XKR6: variants seen among roughly 807,000 people sequenced by gnomAD.
The protein encoded by XKR6 is XK-related protein 6.
A neutral mutation model predicts 56.7 loss-of-function variants in XKR6; 22 were observed. The observed-to-expected ratio is 0.39, with a 90% CI of 0.28 to 0.55. The LOEUF (loss-of-function observed/expected upper bound fraction) is 0.55. XKR6 is among the 20% of genes least tolerant of loss of function. The pLI is 0.66. For synonymous variants in XKR6, 524 were observed against 387.8 expected (o/e 1.35, Z -4.13); for missense variants, 852 against 889.0 (o/e 0.96, Z 0.53).
intron 1 of XKR6, among the ~76,000 whole-genome samples, chr8:11,190,187 GAAAGAAAGAAAGAAAGA>G (rs141803326): frequency 0.1 from 7,137 of 68,306 alleles, 618 homozygotes; most frequent in African/African-American, 0.33. Context: ...AGAAAGAAAA[GAAAGAAAGAAAGAAAGA>G]AAAGAAAGAA....
intron 1 of XKR6, among the ~76,000 whole-genome samples, chr8:10,995,190 A>C (rs1415516799): frequency 6.6e-6 from 1 of 151,992 alleles, no homozygotes; most frequent in African/African-American, 2.4e-5. Context: ...AAGAGGCAGG[A>C]GATAGGAAAA....
intron 2 of XKR6, among the ~76,000 whole-genome samples, chr8:10,911,737 T>C (rs1011318475): frequency 1.2e-4 from 18 of 146,024 alleles, no homozygotes; most frequent in African/African-American, 4.6e-4. Flanking sequence ...TGTGTGTATA[T>C]AGAGAGGGCA....
intron 1 of XKR6, among the ~76,000 whole-genome samples, chr8:11,147,351 C>T (rs990486242): frequency 3.9e-5 from 6 of 152,094 alleles, no homozygotes; most frequent in African/African-American, 7.2e-5. Context: ...GAAATCTCAA[C>T]GGACACTTCA....
chr8:10,984,732 C>CTCTCTATATATA lies in XKR6; in HGVS notation c.765-59903_765-59902insTATATATAGAGA. On this transcript the variant is annotated intron_variant, in intron 1 of 2. Coordinates refer to ENST00000416569, the MANE Select transcript of XKR6 (RefSeq NM_173683.4). ...TCTCTCTCTCTCTCTCTCTCTCTCT[C>CTCTCTATATATA]TATATATATATATATATATATATAT... 5.1e-3 allele frequency among the ~76,000 whole-genome samples: 243 copies of CTCTCTATATATA among 47,472 alleles called. 3 individuals carry two copies. The highest frequency in any genetic ancestry group is 0.031 in the Middle Eastern group (2 of 64). The allele number at this position is 47,472 out of a possible 152,430, so 31.1% of individuals were successfully genotyped here. A position where few individuals can be genotyped will look rare whatever the true frequency, so the allele number is the denominator to read the frequency against.
intron 1 of XKR6, chr8:11,066,721 T>C (rs1260268499): frequency 2.6e-5 from 4 of 152,150 alleles, no homozygotes; most frequent in East Asian, 1.9e-4. Flanking sequence ...ATTACAATCA[T>C]TGTGGCCATT....
intron 1 of XKR6, among the ~76,000 whole-genome samples, chr8:11,074,599 A>T (rs1231398136): frequency 6.6e-6 from 1 of 152,250 alleles, no homozygotes; most frequent in Non-Finnish European, 1.5e-5. Flanking sequence ...TTCCATCAAC[A>T]AACATTCTCT....
In XKR6 at chr8:11,100,792, A is replaced by G. The variant is rs115247074; in HGVS notation, c.764+99784T>C. Among the ~76,000 whole-genome samples, 1,234 of 152,314 alleles carry G rather than the reference A, an allele frequency of 8.1e-3. 22 individuals are homozygous for G. Among genetic ancestry groups the G allele is most frequent in the African/African-American group, 0.028 (1,174 of 41,558 alleles). On this transcript the variant is annotated intron_variant, in intron 1 of 2. Transcript: ENST00000416569. ...GAGGAAGGTAGGAAGTTCTGTTTTT[A>G]GTTTGGCTATGATTTGTCCCAATCA...
chr8:11,055,643 G>T (rs545664976), intron 1 of XKR6, among the ~76,000 whole-genome samples: 65 of 152,342 alleles, frequency 4.3e-4, no homozygotes, highest in Non-Finnish European at 1.8e-4. Flanking sequence ...CAAATAACAG[G>T]TTTGGAGCTG....
intron 1 of XKR6, among the ~76,000 whole-genome samples, chr8:11,056,390 C>T (rs1368241794): frequency 2.6e-5 from 4 of 152,320 alleles, no homozygotes; most frequent in South Asian, 4.1e-4. Flanking sequence ...TCCAGAACGC[C>T]GGCAGCGCAC....
At position 11,178,547 on chromosome 8, in the gene XKR6, AATATATATAT is replaced by A. The variant is rs373879147; in HGVS notation, c.764+22019_764+22028del. Among the ~76,000 whole-genome samples, 5 of 88,508 alleles carry A rather than the reference AATATATATAT, an allele frequency of 5.6e-5. No homozygotes were observed. In the East Asian group the frequency reaches 6.6e-4, roughly 12 times the overall value. 58.1% of individuals were successfully genotyped at this position (88,508 alleles called of 152,430 possible). A position where few individuals can be genotyped will look rare whatever the true frequency, so the allele number is the denominator to read the frequency against. The stretch of plus-strand genomic sequence containing the variant: ...TAAGTCCAAACATCTGAGAGGTAAA[AATATATATAT>A]ATATATATATATATATGTATATATA... On this transcript the variant is annotated intron_variant, in intron 1 of 2. Transcript: ENST00000416569.
chr8:10,993,996 A>G (rs1798053839), intron 1 of XKR6, among the ~76,000 whole-genome samples: 1 of 152,108 alleles, frequency 6.6e-6, no homozygotes, highest in Non-Finnish European at 1.5e-5. Flanking sequence ...TGAGGCCTAT[A>G]TCCTGTTTGG....
At chr8:11,086,375 G>T (rs925417961) in intron 1 of XKR6, among the ~76,000 whole-genome samples, 1 of 152,036 alleles carries the variant, frequency 6.6e-6, no homozygotes, top group Admixed American at 6.5e-5. Context: ...GGATGTGCCC[G>T]GCACACAGTG....
chr8:11,140,842 G>C (rs921285586), intron 1 of XKR6, among the ~76,000 whole-genome samples: 5 of 147,492 alleles, frequency 3.4e-5, no homozygotes, highest in Non-Finnish European at 7.4e-5. Context: ...AGCTTGTAGT[G>C]AGCCGAGATC....
At chr8:10,949,203 T>G (rs1801642842) in intron 1 of XKR6, among the ~76,000 whole-genome samples, 1 of 152,200 alleles carries the variant, frequency 6.6e-6, no homozygotes, top group Non-Finnish European at 1.5e-5. Flanking sequence ...TACTCCCGCT[T>G]CCAGCCTCTC....
chr8:10,958,796 C>T, intron 1 of XKR6, among the ~76,000 whole-genome samples: 1 of 152,172 alleles, frequency 6.6e-6, no homozygotes, highest in East Asian at 1.9e-4. Flanking sequence ...TGAGAAAGTA[C>T]AACTTAGCTT....
chr8:11,048,160 A>G (rs565608108), intron 1 of XKR6, among the ~76,000 whole-genome samples: 2 of 152,184 alleles, frequency 1.3e-5, no homozygotes, highest in East Asian at 3.9e-4. Context: ...AGCTGGTAAC[A>G]CTCAGCCCTG....
chr8:11,161,511 G>A (rs943852589), intron 1 of XKR6, among the ~76,000 whole-genome samples: 13 of 152,224 alleles, frequency 8.5e-5, no homozygotes, highest in African/African-American at 2.4e-4. Flanking sequence ...ACTAAACTCA[G>A]TAGGTGCTAA....
chr8:11,169,208 G>C (rs1436884511), intron 1 of XKR6, among the ~76,000 whole-genome samples: 1 of 152,176 alleles, frequency 6.6e-6, no homozygotes, highest in African/African-American at 2.4e-5. Flanking sequence ...GAGGCAGAGA[G>C]CTTTCTTCTT....
chr8:10,965,201 C>T (rs1375583442), intron 1 of XKR6, among the ~76,000 whole-genome samples: 2 of 152,222 alleles, frequency 1.3e-5, no homozygotes, highest in African/African-American at 2.4e-5. Context: ...TCCTTCCTTG[C>T]CAGTTCTGAG....
Sources: gnomAD v4.1 joint callset for allele counts (sites outside exome capture counted in the v4.1 genomes callset) on GRCh38, gnomAD v4.1.1 for gene constraint, MANE v1.5 for transcripts, NCBI Gene and HGNC (gene_info 2026-07-23, HGNC 2026-07-21) for gene names.